The following CSMD1 variants were observed in gnomAD, a reference collection of about 807,000 sequenced individuals.
The protein encoded by CSMD1 is CUB and sushi domain-containing protein 1.
A neutral mutation model predicts 417.5 loss-of-function variants in CSMD1; 213 were observed. The ratio of observed to expected loss-of-function variants is 0.51; its 90% CI spans 0.46 to 0.57. The LOEUF (loss-of-function observed/expected upper bound fraction) is 0.57. Ranked by LOEUF, CSMD1 falls within the 20% of genes least tolerant of loss-of-function variation. The pLI, the probability that CSMD1 is intolerant of heterozygous loss-of-function variation, is 0.00. For missense variants in CSMD1, 6,923 were observed against 4,529.7 expected, an observed-to-expected ratio of 1.53 and a Z score of -15.17; for synonymous variants, 2,862 against 1,736.8, an observed-to-expected ratio of 1.65 and a Z score of -16.11.
intron 42 of CSMD1, among the ~76,000 whole-genome samples, chr8:3,115,910 C>T (rs935979419): frequency 1.3e-5 from 2 of 152,122 alleles, no homozygotes; most frequent in Non-Finnish European, 2.9e-5. Flanking sequence ...GATGGTTTTT[C>T]AGTACACTTG....
chr8:4,198,665 C>T (rs1219998896), intron 3 of CSMD1, among the ~76,000 whole-genome samples: 2 of 152,198 alleles, frequency 1.3e-5, no homozygotes, highest in Non-Finnish European at 2.9e-5. Context: ...TTGCCTTTTC[C>T]AGATGGGGCT....
At chr8:3,714,801 G>A (rs982430002) in intron 6 of CSMD1, among the ~76,000 whole-genome samples, 1 of 151,890 alleles carries the variant, frequency 6.6e-6, no homozygotes. Flanking sequence ...AGCATTTTTT[G>A]TCTAGTTTAT....
intron 1 of CSMD1, among the ~76,000 whole-genome samples, chr8:4,885,559 T>C (rs1180623685): frequency 1.3e-5 from 2 of 152,194 alleles, no homozygotes; most frequent in South Asian, 2.1e-4. Flanking sequence ...TTTTGTCAAA[T>C]GCTTTTTCTG....
At chr8:3,088,782 A>AGACAAAGT (rs1399374703) in intron 48 of CSMD1, among the ~76,000 whole-genome samples, 4 of 150,600 alleles carry the variant, frequency 2.7e-5, no homozygotes, top group African/African-American at 9.8e-5. Context: ...TACTTAGTTT[A>AGACAAAGT]GACAAAGTAT....
chr8:3,092,966 A>C (rs1486145939), intron 47 of CSMD1, among the ~76,000 whole-genome samples: 1 of 152,134 alleles, frequency 6.6e-6, no homozygotes, highest in Non-Finnish European at 1.5e-5. Flanking sequence ...TTATACCTAA[A>C]ATTTTATTTG....
chr8:4,903,197 T>C (rs931911268), intron 1 of CSMD1, among the ~76,000 whole-genome samples: 3 of 152,146 alleles, frequency 2.0e-5, no homozygotes, highest in Non-Finnish European at 4.4e-5. Flanking sequence ...TGTTATTTAG[T>C]TTTAAAACAG....
intron 48 of CSMD1, 105 bp from the exon 49 acceptor site, chr8:3,087,390 A>C: frequency 2.5e-6 from 3 of 1,210,676 alleles, no homozygotes; most frequent in Non-Finnish European, 3.6e-6. Flanking sequence ...CATTTCCAAA[A>C]GGTAGGAAAT....
intron 1 of CSMD1, among the ~76,000 whole-genome samples, chr8:4,922,304 T>G (rs989528666): frequency 6.6e-6 from 1 of 152,210 alleles, no homozygotes; most frequent in African/African-American, 2.4e-5. Context: ...CATTGATTCT[T>G]GTTACATAAC....
At chr8:3,179,144 A>C in intron 37 of CSMD1, among the ~76,000 whole-genome samples, 1 of 150,488 alleles carries the variant, frequency 6.6e-6, no homozygotes, top group African/African-American at 2.4e-5. Context: ...ACGGGGTTTC[A>C]ACGTGTTAGC....
chr8:4,473,530 G>C (rs1339641975), intron 2 of CSMD1, among the ~76,000 whole-genome samples: 4 of 152,144 alleles, frequency 2.6e-5, no homozygotes, highest in Non-Finnish European at 5.9e-5. Flanking sequence ...TTTGCAATTA[G>C]GCTATGCCTT....
chr8:4,658,741 A>G (rs1238098888), intron 1 of CSMD1, among the ~76,000 whole-genome samples: 2 of 152,096 alleles, frequency 1.3e-5, no homozygotes, highest in South Asian at 4.1e-4. Flanking sequence ...TCGGTTTCTA[A>G]CTCATTTTTC....
intron 36 of CSMD1, 140 bp from the exon 37 acceptor site, chr8:3,181,354 T>A: frequency 3.1e-6 from 2 of 648,920 alleles, no homozygotes; most frequent in East Asian, 5.6e-5. Context: ...GAGTGTTGGT[T>A]TTATTATGTA....
At chr8:4,944,915 A>G (rs1585381809) in intron 1 of CSMD1, among the ~76,000 whole-genome samples, 2 of 152,196 alleles carry the variant, frequency 1.3e-5, no homozygotes, top group South Asian at 2.1e-4. Context: ...TATACTCAAA[A>G]CAGTCGACAT....
At chr8:4,451,058 C>T (rs1013319538) in intron 2 of CSMD1, among the ~76,000 whole-genome samples, 5 of 152,132 alleles carry the variant, frequency 3.3e-5, no homozygotes, top group African/African-American at 4.8e-5. Context: ...CTGCACTGCT[C>T]ATTCAATAAG....
intron 26 of CSMD1, among the ~76,000 whole-genome samples, chr8:3,235,681 T>G (rs760221469): frequency 2.0e-5 from 3 of 152,168 alleles, no homozygotes; most frequent in African/African-American, 7.2e-5. Context: ...AGAATATCAG[T>G]AGAAACAGTG....
chr8:3,831,080 CAA>C (rs1802351316), intron 5 of CSMD1, among the ~76,000 whole-genome samples: 1 of 152,120 alleles, frequency 6.6e-6, no homozygotes, highest in African/African-American at 2.4e-5. Flanking sequence ...AGAAAGGAAT[CAA>C]ATATTGAGTG....
intron 5 of CSMD1, among the ~76,000 whole-genome samples, chr8:3,775,372 A>C (rs544877869): frequency 3.3e-5 from 5 of 152,196 alleles, no homozygotes; most frequent in Admixed American, 6.5e-5. Flanking sequence ...CAGACACAGC[A>C]TAGCAGGTAA....
chr8:3,975,764 C>G (rs1419387795), intron 5 of CSMD1, among the ~76,000 whole-genome samples: 5 of 152,130 alleles, frequency 3.3e-5, no homozygotes, highest in African/African-American at 4.8e-5. Context: ...ATGTCCAAGT[C>G]TTCAAAAGAT....
chr8:3,936,343 G>T (rs935078128), intron 5 of CSMD1, among the ~76,000 whole-genome samples: 7 of 152,156 alleles, frequency 4.6e-5, no homozygotes, highest in Admixed American at 3.9e-4. Flanking sequence ...AAGCAGCCTT[G>T]TATTAGAAGA....
Sources: gnomAD v4.1 joint callset for allele counts (sites outside exome capture counted in the v4.1 genomes callset) on GRCh38, gnomAD v4.1.1 for gene constraint, MANE v1.5 for transcripts, NCBI Gene and HGNC (gene_info 2026-07-23, HGNC 2026-07-21) for gene names.